Variants in FAR2 observed in about 807,000 individuals in gnomAD.
The protein encoded by FAR2 is epididymis secretory protein Li 81.
Under a neutral mutation model 56.0 loss-of-function variants are expected in FAR2, and 19 were observed. The observed-to-expected ratio is 0.34, with a 90% CI of 0.24 to 0.50. The LOEUF is 0.50. FAR2 is among the 20% of genes least tolerant of loss of function. The pLI, the probability that FAR2 is intolerant of heterozygous loss-of-function variation, is 0.98. For missense variants in FAR2, 508 were observed against 642.2 expected (o/e 0.79, Z 2.26); for synonymous variants, 219 against 218.8 (o/e 1.00, Z -0.01).
chr12:29,207,456 A>G (rs1429685303), intron 1 of FAR2, among the ~76,000 whole-genome samples: 2 of 152,188 alleles, frequency 1.3e-5, no homozygotes, highest in Non-Finnish European at 1.5e-5. Flanking sequence ...AGTCTCTCCA[A>G]CAAGGTAAAG....
At chr12:29,257,527 T>C (rs964718549) in intron 1 of FAR2, among the ~76,000 whole-genome samples, 1 of 152,200 alleles carries the variant, frequency 6.6e-6, no homozygotes, top group African/African-American at 2.4e-5. Context: ...CTTTCGCTCT[T>C]TGCAATAAAT....
chr12:29,221,678 C>A (rs987018415), intron 1 of FAR2, among the ~76,000 whole-genome samples: 5 of 152,154 alleles, frequency 3.3e-5, no homozygotes, highest in Admixed American at 6.5e-5. Context: ...CCAATTTAAT[C>A]CTGCAGCCAG....
intron 1 of FAR2, among the ~76,000 whole-genome samples, chr12:29,227,513 A>G (rs73077595): frequency 0.016 from 2,464 of 152,228 alleles, 57 homozygotes; most frequent in African/African-American, 0.049. Context: ...TTTTTCTTTC[A>G]TAATTGCTTC....
chr12:29,316,498 TGTCTTGG>T (rs1192039957), intron 8 of FAR2, among the ~76,000 whole-genome samples: 4 of 152,240 alleles, frequency 2.6e-5, no homozygotes, highest in Non-Finnish European at 5.9e-5. Context: ...CTCTCGCCTC[TGTCTTGG>T]GGCTTTCAGA....
intron 2 of FAR2, among the ~76,000 whole-genome samples, chr12:29,291,695 GA>G (rs539326800): frequency 1.2e-3 from 186 of 152,332 alleles, no homozygotes; most frequent in African/African-American, 4.3e-3. Context: ...ACAGCGTTAT[GA>G]AAAGACCAAA....
chr12:29,246,752 T>G (rs1283942357), intron 1 of FAR2, among the ~76,000 whole-genome samples: 1 of 152,150 alleles, frequency 6.6e-6, no homozygotes, highest in Non-Finnish European at 1.5e-5. Context: ...AGAAGTAATT[T>G]TTGCAGATCT....
chr12:29,322,087 C>T (rs1052714817), intron 10 of FAR2, among the ~76,000 whole-genome samples, 163 bp downstream of exon 10: 2 of 152,158 alleles, frequency 1.3e-5, no homozygotes, highest in African/African-American at 4.8e-5. Flanking sequence ...TCAACACCAC[C>T]GTAGGAAACA....
chr12:29,201,844 G>T (rs111826543), intron 1 of FAR2, among the ~76,000 whole-genome samples: 2 of 152,138 alleles, frequency 1.3e-5, no homozygotes, highest in African/African-American at 4.8e-5. Flanking sequence ...GTGCTAAGTC[G>T]TTTGGCTAGT....
intron 1 of FAR2, among the ~76,000 whole-genome samples, chr12:29,234,119 G>C (rs775776293): frequency 6.6e-6 from 1 of 152,036 alleles, no homozygotes; most frequent in East Asian, 1.9e-4. Flanking sequence ...TTAAATATTG[G>C]TATGACACCA....
intron 1 of FAR2, among the ~76,000 whole-genome samples, chr12:29,260,662 C>T (rs1384534090): frequency 6.6e-6 from 1 of 152,076 alleles, no homozygotes; most frequent in African/African-American, 2.4e-5. Context: ...AGTGCCAGCT[C>T]AGCCAATGTA....
intron 1 of FAR2, among the ~76,000 whole-genome samples, chr12:29,179,755 T>A (rs1591834474): frequency 6.6e-6 from 1 of 152,232 alleles, no homozygotes; most frequent in East Asian, 1.9e-4. Flanking sequence ...TCCTCTACTT[T>A]AGTGATCCAG....
chr12:29,197,835 A>C (rs1353675604), intron 1 of FAR2, among the ~76,000 whole-genome samples: 3 of 152,188 alleles, frequency 2.0e-5, no homozygotes, highest in Non-Finnish European at 4.4e-5. Flanking sequence ...CATGGCTATC[A>C]AGCAAGTAGA....
intron 1 of FAR2, among the ~76,000 whole-genome samples, chr12:29,165,377 T>C (rs1033283200): frequency 6.6e-6 from 1 of 152,212 alleles, no homozygotes; most frequent in African/African-American, 2.4e-5. Context: ...TGCAAGACAC[T>C]TTACAAAAAG....
chr12:29,307,041 C>T (rs1015195276), intron 4 of FAR2, among the ~76,000 whole-genome samples: 7 of 152,136 alleles, frequency 4.6e-5, no homozygotes, highest in Non-Finnish European at 1.0e-4. Context: ...CTAAAGGCTT[C>T]AGGATTACTG....
At chr12:29,214,123 C>G (rs1345123146) in intron 1 of FAR2, among the ~76,000 whole-genome samples, 1 of 152,166 alleles carries the variant, frequency 6.6e-6, no homozygotes, top group Non-Finnish European at 1.5e-5. Context: ...ATTTGTCAAC[C>G]TGTCTTTCAA....
At position 29,270,705 on chromosome 12, in the gene FAR2, C is replaced by T. The variant is rs1195747193; in HGVS notation, c.189+67C>T. 11 of 1,355,396 alleles carry T rather than the reference C, an allele frequency of 8.1e-6. No homozygotes were observed. In the Admixed American group the frequency reaches 1.6e-4, roughly 20 times the overall value. 84.0% of individuals were successfully genotyped at this position (1,355,396 alleles called of 1,614,324 possible). A position where few individuals can be genotyped will look rare whatever the true frequency, so the allele number is the denominator to read the frequency against. ...GGGCAAGATGATTCACTACAATGTT[C>T]TCTTATAGTCTCATATTGCAAGTGG... On this transcript the variant is annotated intron_variant, in intron 2 of 11. Coordinates refer to ENST00000536681, the MANE Select transcript of FAR2 (RefSeq NM_001271783.2).
At chr12:29,169,933 A>T (rs183769519) in intron 1 of FAR2, among the ~76,000 whole-genome samples, 1 of 152,310 alleles carries the variant, frequency 6.6e-6, no homozygotes, top group East Asian at 1.9e-4. Context: ...ATAGGGTATG[A>T]TTTCCGTAAG....
At chr12:29,284,590 T>C (rs1948840054) in intron 2 of FAR2, among the ~76,000 whole-genome samples, 1 of 152,168 alleles carries the variant, frequency 6.6e-6, no homozygotes. Flanking sequence ...GGGTCCACAG[T>C]TCACAGAACA....
In FAR2 at chr12:29,229,279, A is replaced by G. The variant is rs546593496; in HGVS notation, c.-38-41133A>G. On this transcript the variant is annotated intron_variant, in intron 1 of 11. Transcript: ENST00000536681. The stretch of plus-strand genomic sequence containing the variant: ...GATCCTTACGAAAAACTGAGGCCTG[A>G]GGCTTGGAAGTCTGATTGTTAAACA... Among the ~76,000 whole-genome samples, 3 of 152,342 alleles carry G rather than the reference A, an allele frequency of 2.0e-5. No homozygotes were observed. In the East Asian group the frequency reaches 5.8e-4, roughly 29 times the overall value.
Sources: gnomAD v4.1 joint callset for allele counts (sites outside exome capture counted in the v4.1 genomes callset) on GRCh38, gnomAD v4.1.1 for gene constraint, MANE v1.5 for transcripts, NCBI Gene and HGNC (gene_info 2026-07-23, HGNC 2026-07-21) for gene names.